The following SLIT3 variants were observed in gnomAD, a reference collection of about 807,000 sequenced individuals.
The protein encoded by SLIT3 is slit homolog 3 protein.
Under a neutral mutation model 184.0 loss-of-function variants are expected in SLIT3, and 68 were observed. The observed-to-expected ratio is 0.37, with a 90% CI of 0.30 to 0.45. The LOEUF (loss-of-function observed/expected upper bound fraction) is 0.45. Among genes scored for constraint, SLIT3 ranks in the 20% least tolerant of loss-of-function variants. SLIT3 has a pLI of 1.00. For missense variants in SLIT3, 1,707 were observed against 2,026.0 expected (o/e 0.84, Z 3.02); for synonymous variants, 831 against 828.6 (o/e 1.00, Z -0.05).
intron 4 of SLIT3, among the ~76,000 whole-genome samples, chr5:168,927,780 A>AT (rs1272111394): frequency 2.0e-5 from 3 of 152,290 alleles, no homozygotes; most frequent in African/African-American, 2.4e-5. Context: ...GACCATTGAG[A>AT]TTTTGCCTGC....
intron 21 of SLIT3, among the ~76,000 whole-genome samples, chr5:168,724,126 C>T (rs1763032455): frequency 6.6e-6 from 1 of 152,162 alleles, no homozygotes; most frequent in Admixed American, 6.5e-5. Flanking sequence ...TTGAGAAATC[C>T]TTATCTAGAG....
chr5:168,942,422 C>T (rs968297986), intron 4 of SLIT3, among the ~76,000 whole-genome samples: 6 of 152,188 alleles, frequency 3.9e-5, no homozygotes, highest in Non-Finnish European at 7.3e-5. Context: ...TATACTTCAA[C>T]AGTAGATATT....
chr5:168,887,739 G>A lies in SLIT3; in HGVS notation c.414-4403C>T, dbSNP rs114457954. Among the ~76,000 whole-genome samples, 1,119 of 152,194 alleles carry A rather than the reference G, an allele frequency of 7.4e-3. 18 individuals are homozygous for A. Among genetic ancestry groups the A allele is most frequent in the African/African-American group, 0.025 (1,053 of 41,546 alleles). ...ATTATGACTTATTAGACTACAGCTT[G>A]TAGTGCTCTGCAGAGCACTCTGCAC... On this transcript the variant is annotated intron_variant, in intron 4 of 35. Transcript: ENST00000519560.
chr5:168,986,498 G>C (rs1448463366), intron 4 of SLIT3, among the ~76,000 whole-genome samples: 1 of 152,078 alleles, frequency 6.6e-6, no homozygotes. Context: ...ATTTATCAGC[G>C]AAAACATCAG....
intron 1 of SLIT3, among the ~76,000 whole-genome samples, chr5:169,298,139 T>C (rs1421674783): frequency 1.3e-5 from 2 of 152,070 alleles, no homozygotes; most frequent in African/African-American, 4.8e-5. Flanking sequence ...CTGTCCCCCA[T>C]TCCCAGGGAG....
At chr5:168,674,296 C>G (rs1424866696) in intron 32 of SLIT3, among the ~76,000 whole-genome samples, 1 of 152,140 alleles carries the variant, frequency 6.6e-6, no homozygotes, top group African/African-American at 2.4e-5. Flanking sequence ...AGGATTTGAA[C>G]TGAGGTTCAG....
At chr5:169,034,450 A>G (rs900981964) in intron 4 of SLIT3, among the ~76,000 whole-genome samples, 1 of 152,140 alleles carries the variant, frequency 6.6e-6, no homozygotes, top group Non-Finnish European at 1.5e-5. Flanking sequence ...TAAGGGTCCA[A>G]TTTCGTTCTT....
At chr5:168,676,175 A>G (rs1761405048) in intron 32 of SLIT3, among the ~76,000 whole-genome samples, 1 of 150,824 alleles carries the variant, frequency 6.6e-6, no homozygotes, top group Non-Finnish European at 1.5e-5. Flanking sequence ...CCATCCATCC[A>G]TCCATCCATC....
chr5:169,282,885 C>T (rs1767037307), intron 1 of SLIT3, among the ~76,000 whole-genome samples: 1 of 152,212 alleles, frequency 6.6e-6, no homozygotes. Context: ...GAAACACCTG[C>T]AAGGTTTACA....
intron 4 of SLIT3, among the ~76,000 whole-genome samples, chr5:169,162,668 C>T (rs1762517038): frequency 6.6e-6 from 1 of 152,202 alleles, no homozygotes; most frequent in African/African-American, 2.4e-5. Flanking sequence ...AGAGCTCACA[C>T]CATTCCTGAC....
At chr5:168,986,687 G>T (rs1295167112) in intron 4 of SLIT3, among the ~76,000 whole-genome samples, 1 of 152,224 alleles carries the variant, frequency 6.6e-6, no homozygotes, top group Non-Finnish European at 1.5e-5. Context: ...CTTGGAGTCA[G>T]AAGGACGTGG....
chr5:168,723,355 C>T (rs1316317887), intron 21 of SLIT3, among the ~76,000 whole-genome samples: 1 of 150,876 alleles, frequency 6.6e-6, no homozygotes, highest in African/African-American at 2.4e-5. Flanking sequence ...CATCCATCCA[C>T]CCACTTATCT....
chr5:169,082,214 C>T (rs1759095277), intron 4 of SLIT3, among the ~76,000 whole-genome samples: 1 of 152,214 alleles, frequency 6.6e-6, no homozygotes, highest in African/African-American at 2.4e-5. Flanking sequence ...AAACAAACCC[C>T]TGCTTTCTAT....
intron 4 of SLIT3, among the ~76,000 whole-genome samples, chr5:169,152,588 T>C (rs1004076229): frequency 6.6e-6 from 1 of 152,080 alleles, no homozygotes; most frequent in Non-Finnish European, 1.5e-5. Flanking sequence ...GGCTTACAGG[T>C]GAGTATATGG....
At chr5:168,741,237 G>A (rs1212136254) in intron 20 of SLIT3, among the ~76,000 whole-genome samples, 1 of 152,102 alleles carries the variant, frequency 6.6e-6, no homozygotes, top group Admixed American at 6.5e-5. Flanking sequence ...TTGGGAGGCC[G>A]AGGCGGGCGG....
chr5:168,961,598 T>C (rs2113284358), intron 4 of SLIT3, among the ~76,000 whole-genome samples: 2 of 152,324 alleles, frequency 1.3e-5, no homozygotes, highest in East Asian at 3.9e-4. Flanking sequence ...AGATGCTTGA[T>C]CTGAGAACAA....
Position 168,955,521 on chromosome 5 carries a change from G to A in SLIT3, c.414-72185C>T, listed in dbSNP as rs144725931. Among the ~76,000 whole-genome samples, 662 of 152,248 alleles carry A rather than the reference G, an allele frequency of 4.3e-3. 6 individuals are homozygous for A. Among genetic ancestry groups the A allele is most frequent in the African/African-American group, 0.015 (616 of 41,546 alleles). On this transcript the variant is annotated intron_variant, in intron 4 of 35. Coordinates refer to ENST00000519560, the MANE Select transcript of SLIT3 (RefSeq NM_003062.4). ...TGAGTCTCTTCTATGGGTTAGGCTG[G>A]TCTAGGAACCTAAGCCATGGGGAAG...
intron 4 of SLIT3, among the ~76,000 whole-genome samples, chr5:168,931,983 C>T (rs1761999442): frequency 6.6e-6 from 1 of 152,148 alleles, no homozygotes; most frequent in Non-Finnish European, 1.5e-5. Context: ...ATCCTAGCTC[C>T]CTCTGTAGTG....
intron 5 of SLIT3, among the ~76,000 whole-genome samples, chr5:168,865,828 T>C (rs1480926070): frequency 6.6e-6 from 1 of 152,240 alleles, no homozygotes; most frequent in Non-Finnish European, 1.5e-5. Context: ...TATAAAATCA[T>C]ATTCAAACTT....
Sources: gnomAD v4.1 joint callset for allele counts (sites outside exome capture counted in the v4.1 genomes callset) on GRCh38, gnomAD v4.1.1 for gene constraint, MANE v1.5 for transcripts, NCBI Gene and HGNC (gene_info 2026-07-23, HGNC 2026-07-21) for gene names.